KANK1: variants seen among roughly 807,000 people sequenced by gnomAD.
KANK1 encodes the protein KN motif and ankyrin repeat domain-containing protein 1.
A neutral mutation model predicts 106.2 loss-of-function variants in KANK1; 109 were observed. The ratio of observed to expected loss-of-function variants is 1.03; its 90% CI spans 0.88 to 1.20. KANK1 has a LOEUF of 1.20. Ranked by LOEUF, KANK1 falls within the 50% of genes most tolerant of loss-of-function variation. KANK1 has a pLI of 0.00. For synonymous variants in KANK1, 873 were observed against 652.2 expected (o/e 1.34, Z -5.16); for missense variants, 2,399 against 1,710.7 (o/e 1.40, Z -7.10).
chr9:521,732 T>C (rs1379985574), intron 1 of KANK1, among the ~76,000 whole-genome samples: 4 of 151,286 alleles, frequency 2.6e-5, no homozygotes, highest in African/African-American at 9.8e-5. Flanking sequence ...CACGCGTGGC[T>C]GATTTTTGTA....
intron 1 of KANK1, among the ~76,000 whole-genome samples, chr9:513,517 A>G (rs186473005): frequency 2.0e-5 from 3 of 152,336 alleles, no homozygotes; most frequent in African/African-American, 7.2e-5. Flanking sequence ...TTTTATAATT[A>G]TCATCCAAGA....
chr9:626,549 T>G (rs1364966922), intron 1 of KANK1, among the ~76,000 whole-genome samples: 1 of 152,220 alleles, frequency 6.6e-6, no homozygotes, highest in Non-Finnish European at 1.5e-5. Context: ...AATTTTCACT[T>G]AGGAGGAGGC....
chr9:703,103 T>A (rs1401991858), intron 2 of KANK1, among the ~76,000 whole-genome samples: 1 of 152,028 alleles, frequency 6.6e-6, no homozygotes, highest in African/African-American at 2.4e-5. Context: ...GCGATTCTCC[T>A]GCCTCAGCCT....
chr9:612,727 G>A (rs1368802643), intron 1 of KANK1, among the ~76,000 whole-genome samples: 2 of 152,136 alleles, frequency 1.3e-5, no homozygotes, highest in African/African-American at 4.8e-5. Flanking sequence ...CATCTCAGGC[G>A]GCCATACTGG....
At chr9:586,828 A>G (rs868465450) in intron 1 of KANK1, among the ~76,000 whole-genome samples, 1 of 152,120 alleles carries the variant, frequency 6.6e-6, no homozygotes, top group African/African-American at 2.4e-5. Context: ...TCTTTGCATG[A>G]TATCTTAGGC....
chr9:646,505 C>G (rs1256161162), intron 1 of KANK1, among the ~76,000 whole-genome samples: 2 of 150,576 alleles, frequency 1.3e-5, no homozygotes, highest in African/African-American at 2.5e-5. Context: ...GAATAATTTT[C>G]TTTTGAAAAC....
At chr9:531,214 G>A (rs2060039379) in intron 1 of KANK1, among the ~76,000 whole-genome samples, 1 of 152,114 alleles carries the variant, frequency 6.6e-6, no homozygotes, top group Admixed American at 6.6e-5. Context: ...CCATGCAGGA[G>A]GATCACTTGA....
chr9:486,912 GTCT>G (rs763161552), intron 3 of KANK1, among the ~76,000 whole-genome samples: 6 of 152,132 alleles, frequency 3.9e-5, no homozygotes, highest in Admixed American at 1.3e-4. Context: ...TAATTTTTAT[GTCT>G]TCTTGCAGTA....
intron 1 of KANK1, among the ~76,000 whole-genome samples, chr9:656,328 T>C (rs1842137656): frequency 1.3e-5 from 2 of 152,184 alleles, no homozygotes. Flanking sequence ...CTGTGGAATC[T>C]GTTTCCCCTG....
chr9:740,595 G>A (rs538592099), intron 8 of KANK1, among the ~76,000 whole-genome samples, 197 bp from the exon 9 acceptor site: 88 of 152,144 alleles, frequency 5.8e-4, no homozygotes, highest in Middle Eastern at 3.4e-3. Context: ...TTCAGGTGTC[G>A]TGAAATAGGG....
At chr9:677,173 A>C (rs946007273) in intron 2 of KANK1, among the ~76,000 whole-genome samples, 164 bp downstream of exon 2, 1 of 152,256 alleles carries the variant, frequency 6.6e-6, no homozygotes, top group Admixed American at 6.5e-5. Context: ...TTTTACTCTC[A>C]GAAAATTTGC....
At chr9:723,485 C>T (rs1176423830) in intron 3 of KANK1, among the ~76,000 whole-genome samples, 5 of 148,398 alleles carry the variant, frequency 3.4e-5, no homozygotes, top group African/African-American at 1.3e-4. Flanking sequence ...GGGGCATGAT[C>T]ACAAGCACCT....
intron 3 of KANK1, among the ~76,000 whole-genome samples, chr9:714,725 C>T (rs139985956): frequency 3.3e-5 from 5 of 152,288 alleles, no homozygotes; most frequent in African/African-American, 1.2e-4. Flanking sequence ...GCTCACTCTT[C>T]CTTCTTGAAA....
chr9:714,503 G>T (rs1175553079), intron 3 of KANK1, among the ~76,000 whole-genome samples: 1 of 151,672 alleles, frequency 6.6e-6, no homozygotes, highest in Non-Finnish European at 1.5e-5. Context: ...GGGACTACAG[G>T]TGCCCACCAC....
chr9:522,571 C>A (rs1188864863), intron 1 of KANK1, among the ~76,000 whole-genome samples: 1 of 151,474 alleles, frequency 6.6e-6, no homozygotes, highest in Non-Finnish European at 1.5e-5. Flanking sequence ...CCTGGTGTAC[C>A]CCAGGGTTTG....
intron 1 of KANK1, among the ~76,000 whole-genome samples, chr9:546,572 T>C (rs1221883931): frequency 6.6e-6 from 1 of 152,128 alleles, no homozygotes; most frequent in Non-Finnish European, 1.5e-5. Context: ...ACCTTGCCTC[T>C]CCTACCTCTC....
chr9:521,823 C>G (rs921431875), intron 1 of KANK1, among the ~76,000 whole-genome samples: 1 of 151,636 alleles, frequency 6.6e-6, no homozygotes, highest in Non-Finnish European at 1.5e-5. Flanking sequence ...CCACCTCAGC[C>G]TGCCAAAGTG....
At chr9:579,760 C>T (rs1821544044) in intron 1 of KANK1, among the ~76,000 whole-genome samples, 2 of 152,160 alleles carry the variant, frequency 1.3e-5, no homozygotes, top group African/African-American at 4.8e-5. Context: ...AGCATTCTCC[C>T]TATGTTATTC....
chr9:735,606 C>T (rs1047533220), intron 7 of KANK1: 1 of 211,798 alleles, frequency 4.7e-6, no homozygotes. Context: ...CACAGATACT[C>T]AAGTCCCTTA....
Sources: allele counts gnomAD v4.1 joint callset (sites outside exome capture counted in the v4.1 genomes callset), GRCh38; gene constraint gnomAD v4.1.1; transcripts MANE v1.5; gene names NCBI Gene and HGNC (gene_info 2026-07-23, HGNC 2026-07-21).